Variants in TVP23A observed in about 807,000 individuals in gnomAD.
TVP23A encodes the protein trans-golgi network vesicle protein 23 homolog A, also known as Golgi apparatus membrane protein TVP23 homolog A.
TVP23A carries 21 observed loss-of-function variants against 31.7 expected under a neutral mutation model. The observed-to-expected ratio is 0.66, with a 90% CI of 0.47 to 0.95. The LOEUF (loss-of-function observed/expected upper bound fraction) is 0.95. Among genes scored for constraint, TVP23A ranks in the 40% least tolerant of loss-of-function variants. TVP23A has a pLI of 0.00. For synonymous variants in TVP23A, 104 were observed against 96.0 expected (o/e 1.08, Z -0.49); for missense variants, 279 against 255.6 (o/e 1.09, Z -0.62).
intron 2 of TVP23A, among the ~76,000 whole-genome samples, chr16:10,795,821 C>T (rs542594577): frequency 1.6e-4 from 25 of 152,258 alleles, no homozygotes; most frequent in African/African-American, 5.1e-4. Context: ...TGAGCACCAA[C>T]GGTTCCTGAG....
chr16:10,818,426 C>A lies in TVP23A; in HGVS notation c.9+59G>T, dbSNP rs898684679. The A allele has an allele frequency of 1.9e-6, 3 of 1,584,140 alleles. No homozygotes were observed. The highest frequency in any genetic ancestry group is 2.7e-5 in the African/African-American group (2 of 74,336). ...CCTCCTCCTCCCGGCTTCTCCAGCG[C>A]TCCCGCAGGCTCCCCTCGTCCCGCC... is the stretch of plus-strand genomic sequence containing the variant. On this transcript the variant is annotated intron_variant, in intron 1 of 7. Coordinates refer to ENST00000299866, the MANE Select transcript of TVP23A (RefSeq NM_001079512.4). This position sits in a 1 kb window ranked among gnomAD's most constrained non-coding sequence, Gnocchi z 4.7.
rs1217950486 is a variant in TVP23A, at chr16:10,779,046, A to C, written c.90-3950T>G. Among the ~76,000 whole-genome samples the C allele has an allele frequency of 2.0e-5, 3 of 152,228 alleles. No individual in the cohort carries two copies. The highest frequency in any genetic ancestry group is 7.2e-5 in the African/African-American group (3 of 41,470). ...TAAAATGTGGAAGTAAATGCATTCG[A>C]ATAAATCCCTTGCCCACCCGCTTCT... is the stretch of plus-strand genomic sequence containing the variant. On this transcript the variant is annotated intron_variant, in intron 2 of 7. Coordinates refer to ENST00000299866, the MANE Select transcript of TVP23A (RefSeq NM_001079512.4). This position sits in a 1 kb window ranked among gnomAD's most constrained non-coding sequence, Gnocchi z 4.9.
intron 2 of TVP23A, among the ~76,000 whole-genome samples, chr16:10,778,736 C>T (rs893907613): frequency 6.6e-5 from 10 of 151,804 alleles, no homozygotes; most frequent in Non-Finnish European, 1.5e-4. Context: ...GAGGCTGAGG[C>T]GGCTGGATCA....
chr16:10,800,492 A>G (rs1177403797), intron 2 of TVP23A, among the ~76,000 whole-genome samples: 1 of 152,150 alleles, frequency 6.6e-6, no homozygotes, highest in Non-Finnish European at 1.5e-5. Flanking sequence ...AACCAAACCA[A>G]TGTACCCTAA....
intron 2 of TVP23A, among the ~76,000 whole-genome samples, chr16:10,810,546 C>CAA (rs796925406): frequency 3.2e-5 from 3 of 93,308 alleles, no homozygotes; most frequent in Non-Finnish European, 5.1e-5. Context: ...GACCCTGTCT[C>CAA]AAAAAAAAAA....
chr16:10,784,039 T>C (rs1033667150), intron 2 of TVP23A, among the ~76,000 whole-genome samples: 4 of 152,066 alleles, frequency 2.6e-5, no homozygotes, highest in Admixed American at 2.0e-4. Context: ...TTGCCAAAAC[T>C]CATAGAATGG....
intron 3 of TVP23A, 49 bp downstream of exon 3, chr16:10,774,903 G>A: frequency 1.2e-5 from 18 of 1,552,938 alleles, no homozygotes; most frequent in Non-Finnish European, 1.6e-5. Context: ...GCACACAGGG[G>A]ACAAGCCTCG....
intron 2 of TVP23A, among the ~76,000 whole-genome samples, chr16:10,802,006 A>T (rs1184860591): frequency 6.6e-6 from 1 of 152,012 alleles, no homozygotes; most frequent in Non-Finnish European, 1.5e-5. Flanking sequence ...TACAAAAAAT[A>T]AAAAATAAAT....
intron 2 of TVP23A, among the ~76,000 whole-genome samples, chr16:10,781,291 T>C (rs2032406482): frequency 6.7e-6 from 1 of 148,284 alleles, no homozygotes; most frequent in African/African-American, 2.5e-5. Context: ...ATCACATCAC[T>C]GCACTCCAGC....
chr16:10,804,849 A>C (rs1438296029), intron 2 of TVP23A, among the ~76,000 whole-genome samples: 2 of 152,218 alleles, frequency 1.3e-5, no homozygotes, highest in Non-Finnish European at 2.9e-5. Context: ...TACACACTCC[A>C]GTGGCATGAA....
chr16:10,814,721 C>A (rs1253732099), intron 2 of TVP23A, among the ~76,000 whole-genome samples: 1 of 152,150 alleles, frequency 6.6e-6, no homozygotes, highest in East Asian at 1.9e-4. Context: ...AACATTTGTC[C>A]CTCAGGCGCC....
downstream of TVP23A, among the ~76,000 whole-genome samples, chr16:10,760,295 G>C (rs911205454): frequency 1.6e-4 from 24 of 152,242 alleles, no homozygotes; most frequent in African/African-American, 5.5e-4. Flanking sequence ...ACGGTGCCTA[G>C]AGGGACGGGC....
chr16:10,771,046 G>A (rs571853164), intron 6 of TVP23A, among the ~76,000 whole-genome samples: 1 of 152,212 alleles, frequency 6.6e-6, no homozygotes, highest in East Asian at 1.9e-4. Flanking sequence ...AAAGCAGAAT[G>A]CTGGTTGCTA....
chr16:10,773,913 A>G, intron 4 of TVP23A, 126 bp downstream of exon 4: 1 of 741,538 alleles, frequency 1.3e-6, no homozygotes, highest in Non-Finnish European at 2.2e-6. Context: ...TCACCAGAGC[A>G]CCTTGGCAAT....
chr16:10,770,733 T>C (rs111887946), intron 6 of TVP23A, among the ~76,000 whole-genome samples: 6,382 of 151,724 alleles, frequency 0.042, 206 homozygotes, highest in Non-Finnish European at 0.06. Flanking sequence ...TAGCCAGGCA[T>C]GGTGTTATGC....
Position 10,767,084 on chromosome 16 carries a change from G to T in TVP23A, c.*2018C>A. On this transcript the variant is annotated 3_prime_UTR_variant, in exon 8 of 8. Coordinates refer to ENST00000299866, the MANE Select transcript of TVP23A (RefSeq NM_001079512.4). The surrounding 1 kb of genome is among the most constrained non-coding windows in gnomAD (Gnocchi z 4.6). ...TGAGTGCTAGGTAGGAACCCCTCCT[G>T]GGGTTCACCTGAGGCTGGTGACCGG... The T allele has an allele frequency of 2.5e-6, 1 of 398,756 alleles. No homozygotes were observed. The highest frequency in any genetic ancestry group is 4.4e-6 in the Non-Finnish European group (1 of 226,160). 24.7% of individuals were successfully genotyped at this position (398,756 alleles called of 1,614,324 possible).
downstream of TVP23A, among the ~76,000 whole-genome samples, chr16:10,763,242 T>C (rs1258638369): frequency 1.3e-5 from 2 of 151,588 alleles, no homozygotes; most frequent in Non-Finnish European, 2.9e-5. Context: ...TTCATGTCCG[T>C]GCAGTTGAGT....
At position 10,761,448 on chromosome 16, in the gene TVP23A, A is replaced by C. The variant is rs1390446662; in HGVS notation, c.*327T>G. ...CATCATCGGGGTGGTGGAGAACATG[A>C]GTGGCTTCATCTGTCCTAAGTGCAA... On this transcript the variant is annotated 3_prime_UTR_variant and NMD_transcript_variant, in exon 9 of 9. Transcript: ENST00000456096. 1.2e-6 allele frequency: 2 copies of C among 1,613,906 alleles called. No individual in the cohort carries two copies. The highest frequency in any genetic ancestry group is 1.6e-4 in the Middle Eastern group (1 of 6,084).
intron 6 of TVP23A, 39 bp from the exon 7 acceptor site, chr16:10,770,370 C>A (rs374529272): frequency 6.0e-4 from 925 of 1,546,094 alleles, no homozygotes; most frequent in Non-Finnish European, 6.7e-4. Flanking sequence ...TCTGTCCTTA[C>A]ACGCGAGTGG....
Sources: allele counts gnomAD v4.1 joint callset (sites outside exome capture counted in the v4.1 genomes callset), GRCh38; gene constraint gnomAD v4.1.1; non-coding constraint Gnocchi (gnomAD v3.1); transcripts MANE v1.5; gene names NCBI Gene and HGNC (gene_info 2026-07-23, HGNC 2026-07-21).